WWOX: variants seen among roughly 807,000 people sequenced by gnomAD.
WWOX encodes WW domain-containing oxidoreductase.
WWOX carries 69 observed loss-of-function variants against 46.2 expected under a neutral mutation model. That is an observed-to-expected ratio of 1.49 (90% CI 1.23 to 1.82). The LOEUF is 1.82. Ranked by LOEUF, WWOX falls within the 40% of genes most tolerant of loss-of-function variation. The pLI is 0.00. For missense variants in WWOX, 919 were observed against 542.6 expected (o/e 1.69, Z -6.89); for synonymous variants, 359 against 202.6 (o/e 1.77, Z -6.56).
chr16:79,084,654 G>A lies in WWOX; in HGVS notation c.1057-126954G>A, dbSNP rs150202171. Among the ~76,000 whole-genome samples the A allele has an allele frequency of 2.1e-3, 315 of 152,282 alleles. 3 individuals are homozygous for A. Among genetic ancestry groups the A allele is most frequent in the African/African-American group, 7.3e-3 (302 of 41,558 alleles). ...GGTCTTGGACTCCTGGCCTCGTGAT[G>A]CACCCGCATCGGCCTCCCAAAGTGC... On this transcript the variant is annotated intron_variant, in intron 8 of 8. Transcript: ENST00000566780.
chr16:79,046,542 A>C (rs1308920274), intron 8 of WWOX, among the ~76,000 whole-genome samples: 1 of 152,294 alleles, frequency 6.6e-6, no homozygotes, highest in South Asian at 2.1e-4. Context: ...CTTCTTGTGC[A>C]TCTTCACATG....
intron 8 of WWOX, among the ~76,000 whole-genome samples, chr16:79,036,414 C>T (rs1437987735): frequency 2.0e-5 from 3 of 152,308 alleles, no homozygotes; most frequent in East Asian, 1.9e-4. Context: ...GAATTATTGC[C>T]CGTTGACCTC....
chr16:78,261,475 C>G (rs1276015346), intron 5 of WWOX, among the ~76,000 whole-genome samples: 2 of 149,974 alleles, frequency 1.3e-5, no homozygotes, highest in Non-Finnish European at 3.0e-5. Flanking sequence ...AAAGAAAAGA[C>G]TAAAAAGAAA....
At chr16:78,373,723 T>C (rs1442805415) in intron 5 of WWOX, among the ~76,000 whole-genome samples, 2 of 152,170 alleles carry the variant, frequency 1.3e-5, no homozygotes, top group Non-Finnish European at 2.9e-5. Context: ...AAATTTGAAA[T>C]AATTTCTGTA....
intron 8 of WWOX, among the ~76,000 whole-genome samples, chr16:78,814,344 G>A (rs1287191463): frequency 6.6e-6 from 1 of 151,862 alleles, no homozygotes; most frequent in Non-Finnish European, 1.5e-5. Context: ...TGGAAAAAAT[G>A]CACTTTTCTA....
intron 8 of WWOX, among the ~76,000 whole-genome samples, chr16:79,008,396 C>G (rs537910854): frequency 3.9e-4 from 59 of 152,288 alleles, no homozygotes; most frequent in East Asian, 2.1e-3. Flanking sequence ...GCGTTCAGGC[C>G]TCCATGACAT....
At chr16:78,854,562 AT>A (rs1321511008) in intron 8 of WWOX, among the ~76,000 whole-genome samples, 1 of 152,112 alleles carries the variant, frequency 6.6e-6, no homozygotes, top group Non-Finnish European at 1.5e-5. Context: ...ACACCTAACG[AT>A]ACCTGTATTT....
At chr16:78,789,337 T>C (rs183905255) in intron 8 of WWOX, among the ~76,000 whole-genome samples, 56 of 152,344 alleles carry the variant, frequency 3.7e-4, no homozygotes, top group African/African-American at 1.2e-3. Context: ...TAGTTTAAGG[T>C]AGGCATTCAA....
intron 5 of WWOX, among the ~76,000 whole-genome samples, chr16:78,175,369 C>T (rs2035306830): frequency 6.6e-6 from 1 of 152,202 alleles, no homozygotes; most frequent in Non-Finnish European, 1.5e-5. Context: ...GATAATTCTC[C>T]TTTCAAGAAG....
chr16:78,571,138 C>A (rs1221933497), intron 8 of WWOX, among the ~76,000 whole-genome samples: 1 of 152,154 alleles, frequency 6.6e-6, no homozygotes, highest in Non-Finnish European at 1.5e-5. Flanking sequence ...GAGAAATGTA[C>A]ATTTCTGAAA....
intron 5 of WWOX, among the ~76,000 whole-genome samples, chr16:78,243,020 A>G (rs2037707121): frequency 6.6e-6 from 1 of 151,942 alleles, no homozygotes; most frequent in Non-Finnish European, 1.5e-5. Context: ...AAAACCAAAA[A>G]CAAAAAAAGA....
At chr16:78,664,461 G>C (rs898291185) in intron 8 of WWOX, among the ~76,000 whole-genome samples, 2 of 152,174 alleles carry the variant, frequency 1.3e-5, no homozygotes, top group African/African-American at 4.8e-5. Context: ...CGATCAGGCT[G>C]GATCATTACC....
chr16:78,640,208 T>TGTGTG (rs2046670050), intron 8 of WWOX, among the ~76,000 whole-genome samples: 1 of 150,150 alleles, frequency 6.7e-6, no homozygotes, highest in Non-Finnish European at 1.5e-5. Flanking sequence ...TGTGTGTGTG[T>TGTGTG]TTTCTTCTTG....
At chr16:78,257,344 G>A (rs372468989) in intron 5 of WWOX, among the ~76,000 whole-genome samples, 2 of 152,166 alleles carry the variant, frequency 1.3e-5, no homozygotes, top group Admixed American at 1.3e-4. Context: ...TTTGCAACCT[G>A]TAGAGCAGCA....
At chr16:78,939,168 C>T (rs1031018636) in intron 8 of WWOX, among the ~76,000 whole-genome samples, 1 of 152,168 alleles carries the variant, frequency 6.6e-6, no homozygotes, top group Non-Finnish European at 1.5e-5. Flanking sequence ...TTACAGATGC[C>T]TCCCAGAACA....
chr16:78,316,516 T>G (rs1291905444), intron 5 of WWOX, among the ~76,000 whole-genome samples: 1 of 152,056 alleles, frequency 6.6e-6, no homozygotes, highest in Non-Finnish European at 1.5e-5. Context: ...GTAATTTTGG[T>G]ATTTTTAATA....
chr16:78,952,485 C>T (rs1290325586), intron 8 of WWOX, among the ~76,000 whole-genome samples: 1 of 151,490 alleles, frequency 6.6e-6, no homozygotes, highest in South Asian at 2.1e-4. Context: ...CAGGTTCAGG[C>T]GATTCTCCTG....
intron 8 of WWOX, among the ~76,000 whole-genome samples, chr16:78,734,782 A>G (rs1408485733): frequency 7.0e-6 from 1 of 142,970 alleles, no homozygotes; most frequent in Non-Finnish European, 1.5e-5. Context: ...GAGCAAATAG[A>G]CTGACCCTAC....
intron 8 of WWOX, chr16:78,534,522 T>A (rs1394693901): frequency 6.6e-6 from 1 of 152,066 alleles, no homozygotes; most frequent in South Asian, 2.1e-4. Flanking sequence ...AAGAGTGACA[T>A]TTTGGCATGA....
Sources: gnomAD v4.1 joint callset for allele counts (sites outside exome capture counted in the v4.1 genomes callset) on GRCh38, gnomAD v4.1.1 for gene constraint, MANE v1.5 for transcripts, NCBI Gene and HGNC (gene_info 2026-07-23, HGNC 2026-07-21) for gene names.